The following NEBL variants were observed in gnomAD, a reference collection of about 807,000 sequenced individuals.
NEBL encodes the protein nebulette.
A neutral mutation model predicts 140.2 loss-of-function variants in NEBL; 122 were observed. The ratio of observed to expected loss-of-function variants is 0.87; its 90% confidence interval spans 0.75 to 1.01. The LOEUF is 1.01. Among genes scored for constraint, NEBL ranks in the 50% least tolerant of loss-of-function variants. NEBL has a pLI of 0.00. For missense variants in NEBL, 1,365 were observed against 1,231.3 expected, an observed-to-expected ratio of 1.11 and a Z score of -1.62; for synonymous variants, 436 against 398.9, an observed-to-expected ratio of 1.09 and a Z score of -1.11.
intron 11 of NEBL, among the ~76,000 whole-genome samples, chr10:20,849,514 A>G (rs1445381484): frequency 6.6e-6 from 1 of 152,058 alleles, no homozygotes; most frequent in Non-Finnish European, 1.5e-5. Flanking sequence ...ATATCATGGG[A>G]ATGGTTTTGT....
chr10:21,154,402 T>A (rs1050025924), intron 2 of NEBL, among the ~76,000 whole-genome samples: 1 of 146,284 alleles, frequency 6.8e-6, no homozygotes, highest in African/African-American at 2.6e-5. Flanking sequence ...GAGGTTGCAA[T>A]GAGCTGAAAT....
chr10:21,183,757 G>A (rs574028273), intron 3 of NEBL, among the ~76,000 whole-genome samples: 93 of 152,270 alleles, frequency 6.1e-4, no homozygotes, highest in African/African-American at 2.2e-3. Context: ...ATATGGTTTG[G>A]CTGTGTCGCC....
intron 1 of NEBL, among the ~76,000 whole-genome samples, chr10:21,292,818 C>G (rs1010816738): frequency 5.9e-5 from 9 of 152,088 alleles, no homozygotes; most frequent in African/African-American, 2.2e-4. Context: ...TAAGAGAATC[C>G]GAATGACTTA....
At chr10:21,152,085 A>G (rs1487550950) in intron 2 of NEBL, among the ~76,000 whole-genome samples, 1 of 152,166 alleles carries the variant, frequency 6.6e-6, no homozygotes, top group Non-Finnish European at 1.5e-5. Context: ...ATAATAAATG[A>G]AGGAGTGAGT....
At chr10:21,169,066 AAATATATATATATATATATAT>A (rs1840949875) in intron 2 of NEBL, among the ~76,000 whole-genome samples, 1 of 50,940 alleles carries the variant, frequency 2.0e-5, no homozygotes, top group African/African-American at 8.2e-5. Context: ...AAAAAAAAAA[AAATATATATATATATATATAT>A]ATATATATAT....
intron 7 of NEBL, among the ~76,000 whole-genome samples, chr10:20,863,713 CA>C (rs142169654): frequency 0.047 from 7,111 of 152,206 alleles, 510 homozygotes; most frequent in African/African-American, 0.15. Context: ...AATAGTGGAT[CA>C]AAGGCATATG....
intron 3 of NEBL, among the ~76,000 whole-genome samples, chr10:21,214,680 G>C (rs942312293): frequency 2.6e-5 from 4 of 151,928 alleles, no homozygotes; most frequent in Non-Finnish European, 4.4e-5. Flanking sequence ...GTGAGGAAAG[G>C]GTTTTTCAGG....
intron 2 of NEBL, among the ~76,000 whole-genome samples, chr10:21,024,007 A>T (rs918096670): frequency 6.6e-6 from 1 of 151,888 alleles, no homozygotes; most frequent in African/African-American, 2.4e-5. Context: ...TAAATAAAAC[A>T]CTACTTTGAT....
At chr10:21,261,640 C>G (rs1842740469) in intron 1 of NEBL, among the ~76,000 whole-genome samples, 1 of 150,296 alleles carries the variant, frequency 6.7e-6, no homozygotes, top group Non-Finnish European at 1.5e-5. Flanking sequence ...GAGTGAGACC[C>G]TGTCTCAAAA....
intron 26 of NEBL, among the ~76,000 whole-genome samples, chr10:20,803,807 C>CAAAA (rs1564338173): frequency 2.2e-5 from 2 of 89,690 alleles, no homozygotes; most frequent in African/African-American, 1.2e-4. Context: ...TCCTTCTGTA[C>CAAAA]GAAAAATATA....
chr10:21,034,409 T>C (rs992329248), intron 2 of NEBL, among the ~76,000 whole-genome samples: 1 of 152,150 alleles, frequency 6.6e-6, no homozygotes, highest in Non-Finnish European at 1.5e-5. Flanking sequence ...CAGACATTAC[T>C]AATCACACCA....
At chr10:21,231,190 G>A (rs1038959127) in intron 3 of NEBL, among the ~76,000 whole-genome samples, 5 of 152,218 alleles carry the variant, frequency 3.3e-5, no homozygotes, top group African/African-American at 1.2e-4. Context: ...AGCCAAAAGA[G>A]CCACCTTTAT....
At chr10:20,901,753 G>A (rs1177472660), upstream of NEBL, among the ~76,000 whole-genome samples, 2 of 152,048 alleles carry the variant, frequency 1.3e-5, no homozygotes, top group African/African-American at 4.8e-5. Flanking sequence ...CCTGGTTTTT[G>A]TTTTGATGAC....
At chr10:20,897,474 C>T, upstream of NEBL, 1 of 1,190,704 alleles carries the variant, frequency 8.4e-7, no homozygotes, top group Non-Finnish European at 1.0e-6. Flanking sequence ...TTAAAGTCAA[C>T]ATTTTTTCCA....
chr10:20,823,989 T>C (rs74120683), intron 18 of NEBL, among the ~76,000 whole-genome samples: 3,821 of 151,952 alleles, frequency 0.025, 161 homozygotes, highest in African/African-American at 0.088. Context: ...TCACTCAAAA[T>C]CTCCCCCATC....
chr10:21,002,888 A>G (rs1837964732), intron 3 of NEBL, among the ~76,000 whole-genome samples: 1 of 152,094 alleles, frequency 6.6e-6, no homozygotes, highest in South Asian at 2.1e-4. Context: ...CCATATCATC[A>G]ATTAGTGAGG....
chr10:21,106,995 G>C (rs1010447370), intron 2 of NEBL, among the ~76,000 whole-genome samples: 12 of 152,056 alleles, frequency 7.9e-5, no homozygotes, highest in African/African-American at 2.7e-4. Flanking sequence ...TCTGTTATTG[G>C]TGTATAGGAA....
intron 5 of NEBL, among the ~76,000 whole-genome samples, chr10:20,878,345 C>T (rs1279087039): frequency 6.6e-6 from 1 of 152,180 alleles, no homozygotes; most frequent in Non-Finnish European, 1.5e-5. Context: ...GAATCAGATA[C>T]ACATATAATG....
At chr10:20,970,372 CTCACATCTGTAA>C (rs1334618579) in intron 3 of NEBL, among the ~76,000 whole-genome samples, 1 of 152,160 alleles carries the variant, frequency 6.6e-6, no homozygotes, top group African/African-American at 2.4e-5. Context: ...GGCACAGTGG[CTCACATCTGTAA>C]TCCCAGCACT....
Sources: allele counts gnomAD v4.1 joint callset (sites outside exome capture counted in the v4.1 genomes callset), GRCh38; gene constraint gnomAD v4.1.1; transcripts MANE v1.5; gene names NCBI Gene and HGNC (gene_info 2026-07-23, HGNC 2026-07-21).